The following RORA variants were observed in gnomAD, a reference collection of about 807,000 sequenced individuals.
RORA encodes the protein RAR related orphan receptor A.
Under a neutral mutation model 69.5 loss-of-function variants are expected in RORA, and 7 were observed. The observed-to-expected ratio is 0.10, with a 90% CI of 0.06 to 0.19. The LOEUF (loss-of-function observed/expected upper bound fraction) is 0.19. RORA is among the 10% of genes least tolerant of loss of function. The pLI is 1.00. For missense variants in RORA, 457 were observed against 663.0 expected, an observed-to-expected ratio of 0.69 and a Z score of 3.41; for synonymous variants, 261 against 240.8, an observed-to-expected ratio of 1.08 and a Z score of -0.78.
At chr15:60,866,019 C>A (rs1282556282) in intron 1 of RORA, among the ~76,000 whole-genome samples, 1 of 144,688 alleles carries the variant, frequency 6.9e-6, no homozygotes, top group Non-Finnish European at 1.5e-5. Flanking sequence ...AAATGCATCA[C>A]CCCAAGCATT....
At chr15:61,002,414 T>G (rs73436227) in intron 1 of RORA, among the ~76,000 whole-genome samples, 2,742 of 152,342 alleles carry the variant, frequency 0.018, 75 homozygotes, top group African/African-American at 0.061. Flanking sequence ...AGTTTTATTT[T>G]GTTTAATTTA....
chr15:60,749,273 T>C lies in RORA; in HGVS notation c.167-70587A>G, dbSNP rs115936646. On this transcript the variant is annotated intron_variant, in intron 1 of 10. Transcript: ENST00000335670. ...ATCCCTTACAATCTCACTTGCACCA[T>C]TAATTCTTCCAGTAAATTATTTCTC... Among the ~76,000 whole-genome samples, 653 of 152,358 alleles carry C rather than the reference T, an allele frequency of 4.3e-3. 5 individuals carry two copies. Among genetic ancestry groups the C allele is most frequent in the African/African-American group, 0.014 (583 of 41,578 alleles).
chr15:60,814,512 GCACAGCTTCCTAAGATGCC>G (rs1280846188), intron 1 of RORA, among the ~76,000 whole-genome samples: 4 of 152,118 alleles, frequency 2.6e-5, no homozygotes, highest in Non-Finnish European at 4.4e-5. Flanking sequence ...TGAAGAGAGA[GCACAGCTTCCTAAGATGCC>G]CAACATAGTC....
At chr15:60,859,728 C>G (rs1296253638) in intron 1 of RORA, among the ~76,000 whole-genome samples, 1 of 123,924 alleles carries the variant, frequency 8.1e-6, no homozygotes, top group African/African-American at 3.1e-5. Context: ...TAACAAGTTT[C>G]TTATGTGATT....
At chr15:60,617,182 G>A (rs1236143661) in intron 2 of RORA, among the ~76,000 whole-genome samples, 4 of 152,178 alleles carry the variant, frequency 2.6e-5, no homozygotes, top group Non-Finnish European at 5.9e-5. Flanking sequence ...GTCTGGCTCA[G>A]TGTTATAGTC....
chr15:60,834,559 T>A (rs2073090406), intron 1 of RORA, among the ~76,000 whole-genome samples: 1 of 152,212 alleles, frequency 6.6e-6, no homozygotes, highest in African/African-American at 2.4e-5. Flanking sequence ...GTGATGATAT[T>A]AAGCTTAAGA....
At chr15:61,088,288 T>G (rs1490623744) in intron 1 of RORA, among the ~76,000 whole-genome samples, 1 of 152,184 alleles carries the variant, frequency 6.6e-6, no homozygotes, top group Non-Finnish European at 1.5e-5. Flanking sequence ...GAAGGGCCAG[T>G]GCAAGATATG....
At chr15:61,210,929 G>A (rs953964573) in intron 1 of RORA, among the ~76,000 whole-genome samples, 7 of 152,186 alleles carry the variant, frequency 4.6e-5, no homozygotes, top group Non-Finnish European at 7.3e-5. Flanking sequence ...CTCAGCTGTC[G>A]CTGGAGCTCG....
rs758379842 is a variant in RORA, at chr15:60,511,464, C to T, written c.582G>A (p.Thr194=). The change falls in exon 5 of 11, where the codon ACG becomes ACA. Residue 194 remains threonine, a synonymous_variant. Transcript: ENST00000335670. This position sits in a 1 kb window ranked among gnomAD's most constrained non-coding sequence, Gnocchi z 6.4. ...PTYNISANGL[T]ELHDDLSNYI... is the part of the protein sequence containing the mutation. Reference sequence around the variant, plus strand: ...AGTTACTGAGGTCGTCGTGAAGTTCCGTCAGCCCGTTGGCCGAGATGTTGT... The same window carrying T: ...AGTTACTGAGGTCGTCGTGAAGTTCTGTCAGCCCGTTGGCCGAGATGTTGT... 1.2e-5 allele frequency: 19 copies of T among 1,614,022 alleles called. No homozygotes were observed. Among genetic ancestry groups the T allele is most frequent in the East Asian group, 6.7e-5 (3 of 44,878 alleles).
intron 1 of RORA, among the ~76,000 whole-genome samples, chr15:60,981,369 T>C (rs1894040183): frequency 6.6e-6 from 1 of 152,158 alleles, no homozygotes; most frequent in African/African-American, 2.4e-5. Flanking sequence ...TTTGCAAAGT[T>C]TCACCATTAT....
Position 60,492,358 on chromosome 15 carries a change from A to G in RORA, c.*5097T>C, listed in dbSNP as rs1424237538. On this transcript the variant is annotated 3_prime_UTR_variant, in exon 11 of 11. Transcript: ENST00000335670. ...TGTTGGCTCGAGTTGCTGCTGTCATACAGGCAGGTTTTGTTTTGTCTTTAA... is the reference window on the plus strand; with the variant it reads ...TGTTGGCTCGAGTTGCTGCTGTCATGCAGGCAGGTTTTGTTTTGTCTTTAA... The G allele has an allele frequency of 6.6e-6, 1 of 152,206 alleles. No homozygotes were observed. The highest frequency in any genetic ancestry group is 1.5e-5 in the Non-Finnish European group (1 of 68,018). 9.4% of individuals were successfully genotyped at this position (152,206 alleles called of 1,614,324 possible).
intron 1 of RORA, among the ~76,000 whole-genome samples, chr15:60,742,608 A>G (rs1457041757): frequency 1.3e-5 from 2 of 152,140 alleles, no homozygotes; most frequent in African/African-American, 2.4e-5. Flanking sequence ...TTGAAATTCT[A>G]TGTCCTTTGA....
At chr15:61,210,669 C>G (rs1415731392) in intron 1 of RORA, among the ~76,000 whole-genome samples, 1 of 152,160 alleles carries the variant, frequency 6.6e-6, no homozygotes, top group South Asian at 2.1e-4. Flanking sequence ...AATAGATACA[C>G]ACGCATTTTT....
chr15:60,695,338 T>C (rs1378619327), intron 1 of RORA, among the ~76,000 whole-genome samples: 4 of 152,222 alleles, frequency 2.6e-5, no homozygotes, highest in Non-Finnish European at 5.9e-5. Flanking sequence ...CATGTTCTCT[T>C]TTCGTCTTTG....
chr15:60,953,915 C>T (rs928094071), intron 1 of RORA, among the ~76,000 whole-genome samples: 12 of 150,788 alleles, frequency 8.0e-5, no homozygotes, highest in African/African-American at 2.9e-4. Context: ...CTAGAAATAC[C>T]ATTTGACCCA....
intron 1 of RORA, among the ~76,000 whole-genome samples, chr15:61,004,474 G>A (rs1006146264): frequency 2.0e-5 from 3 of 151,978 alleles, no homozygotes; most frequent in Non-Finnish European, 4.4e-5. Flanking sequence ...AGGCACATGG[G>A]GGCAGAGTGA....
chr15:60,984,103 T>C (rs531819893), intron 1 of RORA, among the ~76,000 whole-genome samples: 25 of 152,246 alleles, frequency 1.6e-4, no homozygotes, highest in African/African-American at 5.8e-4. Context: ...GTTAGTAGGA[T>C]AAGAACCAAG....
chr15:61,222,476 T>C (rs1269516637), intron 1 of RORA, among the ~76,000 whole-genome samples: 1 of 152,256 alleles, frequency 6.6e-6, no homozygotes, highest in Admixed American at 6.5e-5. Context: ...AACTGTGAGC[T>C]ATGGTACATT....
chr15:61,162,779 A>G (rs1312792594), intron 1 of RORA, among the ~76,000 whole-genome samples: 2 of 152,146 alleles, frequency 1.3e-5, no homozygotes, highest in Non-Finnish European at 2.9e-5. Flanking sequence ...CACTTACCTA[A>G]TAACTACTTT....
Sources: allele counts gnomAD v4.1 joint callset (sites outside exome capture counted in the v4.1 genomes callset), GRCh38; gene constraint gnomAD v4.1.1; non-coding constraint Gnocchi (gnomAD v3.1); transcripts MANE v1.5; gene names NCBI Gene and HGNC (gene_info 2026-07-23, HGNC 2026-07-21).